Variants in FOXP2 observed in about 807,000 individuals in gnomAD.
The protein encoded by FOXP2 is forkhead box P2, also known as forkhead box protein P2.
In FOXP2, 12 loss-of-function variants were observed where a neutral mutation model predicts 115.8. The observed-to-expected ratio is 0.10, with a 90% CI of 0.07 to 0.17. The LOEUF is 0.17. FOXP2 is among the 10% of genes least tolerant of loss of function. The pLI, the probability that FOXP2 is intolerant of heterozygous loss-of-function variation, is 1.00. For missense variants in FOXP2, 629 were observed against 843.5 expected (o/e 0.75, Z 3.15); for synonymous variants, 328 against 297.7 (o/e 1.10, Z -1.05).
At chr7:114,345,839 T>C (rs1273325193) in intron 2 of FOXP2, among the ~76,000 whole-genome samples, 2 of 151,762 alleles carry the variant, frequency 1.3e-5, no homozygotes, top group Non-Finnish European at 3.0e-5. Flanking sequence ...TGTAGACTTA[T>C]GACAAATGTC....
intron 1 of FOXP2, among the ~76,000 whole-genome samples, chr7:114,184,532 C>T (rs1049913888): frequency 6.6e-6 from 1 of 152,078 alleles, no homozygotes; most frequent in Admixed American, 6.6e-5. Flanking sequence ...GATTGTCACT[C>T]GGAAGCTGTT....
chr7:114,446,896 A>T (rs1320171011), intron 2 of FOXP2, among the ~76,000 whole-genome samples: 1 of 151,698 alleles, frequency 6.6e-6, no homozygotes. Flanking sequence ...TTACAGGCAC[A>T]TGCCAACACA....
Position 114,361,444 on chromosome 7 carries a change from C to A in FOXP2, c.-10-65058C>A, listed in dbSNP as rs373505496. The stretch of plus-strand genomic sequence containing the variant: ...AATAGGCCAAGAAAGACAATCCTAG[C>A]TATAGTCAGAAAGAGACTATATTCT... On this transcript the variant is annotated intron_variant, in intron 2 of 17. Transcript: ENST00000634411. Among the ~76,000 whole-genome samples, 17 of 152,102 alleles carry A rather than the reference C, an allele frequency of 1.1e-4. No homozygotes were observed. The East Asian group carries it at 2.7e-3, about 24-fold the overall frequency.
chr7:114,121,456 T>C (rs1026185400), intron 1 of FOXP2, among the ~76,000 whole-genome samples: 3 of 152,172 alleles, frequency 2.0e-5, no homozygotes, highest in Admixed American at 6.6e-5. Flanking sequence ...GTTTTTTACA[T>C]TTTAAGCCTG....
At position 114,267,780 on chromosome 7, in the gene FOXP2, TA is replaced by T. The variant is rs200747738; in HGVS notation, c.-101-20235del. 4.5e-4 allele frequency among the ~76,000 whole-genome samples: 57 copies of T among 125,304 alleles called. No homozygotes were observed. The South Asian group carries it at 0.011, about 25-fold the overall frequency. The allele number at this position is 125,304 out of a possible 152,430, so 82.2% of individuals were successfully genotyped here. A position where few individuals can be genotyped will look rare whatever the true frequency, so the allele number is the denominator to read the frequency against. The stretch of plus-strand genomic sequence containing the variant: ...ATAAATAAATAAATAAATAAATAAA[TA>T]AAATAAATATATATGTATATATAAA... On this transcript the variant is annotated intron_variant, in intron 1 of 17. Coordinates refer to the FOXP2 transcript ENST00000634411.
At chr7:114,092,027 T>A (rs901248206) in intron 1 of FOXP2, among the ~76,000 whole-genome samples, 1 of 151,760 alleles carries the variant, frequency 6.6e-6, no homozygotes, top group Non-Finnish European at 1.5e-5. Context: ...TGATTCTTCA[T>A]TTTTTTTCTG....
intron 2 of FOXP2, among the ~76,000 whole-genome samples, chr7:114,463,759 T>C (rs1022753360): frequency 5.9e-5 from 9 of 152,168 alleles, no homozygotes; most frequent in Non-Finnish European, 1.3e-4. Context: ...CTGTTATGGC[T>C]CTCCCACTAG....
At chr7:114,412,489 G>T (rs1793188402), upstream of FOXP2, among the ~76,000 whole-genome samples, 1 of 152,160 alleles carries the variant, frequency 6.6e-6, no homozygotes. Flanking sequence ...ATACATTTGT[G>T]TGTGTGTGAG....
At chr7:114,385,214 A>G (rs532348156) in intron 2 of FOXP2, among the ~76,000 whole-genome samples, 1 of 152,184 alleles carries the variant, frequency 6.6e-6, no homozygotes, top group Non-Finnish European at 1.5e-5. Flanking sequence ...TAGGTGCCTA[A>G]GGACATAGCA....
chr7:114,642,779 A>ATAATATATATATATAT (rs1491273950), intron 7 of FOXP2, among the ~76,000 whole-genome samples, 156 bp downstream of exon 7: 3 of 91,176 alleles, frequency 3.3e-5, no homozygotes, highest in African/African-American at 9.7e-5. Flanking sequence ...TTTTATATAT[A>ATAATATATATATATAT]ATATATATAT....
At position 114,692,170 on chromosome 7, in the gene FOXP2, T is replaced by G. The variant is rs1028188276; in HGVS notation, c.*2244T>G. ...TGAAAGGAAAAATGGGTCTTTCAGG[T>G]GCATGTTCAAAAGGCTTTGAGGGAC... is the stretch of plus-strand genomic sequence containing the variant. On this transcript the variant is annotated 3_prime_UTR_variant, in exon 17 of 17. Coordinates refer to ENST00000350908, the MANE Select transcript of FOXP2 (RefSeq NM_014491.4). The G allele has an allele frequency of 2.2e-6, 1 of 453,830 alleles. No individual in the cohort carries two copies. The allele number at this position is 453,830 out of a possible 1,614,324, so 28.1% of individuals were successfully genotyped here. A position where few individuals can be genotyped will look rare whatever the true frequency, so the allele number is the denominator to read the frequency against.
intron 2 of FOXP2, among the ~76,000 whole-genome samples, chr7:114,373,401 C>G (rs1236112273): frequency 6.6e-6 from 1 of 152,000 alleles, no homozygotes; most frequent in Non-Finnish European, 1.5e-5. Flanking sequence ...ATTACCAGTA[C>G]GTAATCCAAC....
chr7:114,492,045 C>CA (rs1426712713), intron 2 of FOXP2, among the ~76,000 whole-genome samples: 2 of 152,018 alleles, frequency 1.3e-5, no homozygotes, highest in African/African-American at 4.8e-5. Context: ...TGGTCCTGGA[C>CA]TTTTTTTGGT....
At chr7:114,430,377 G>A (rs545132605) in intron 2 of FOXP2, among the ~76,000 whole-genome samples, 2 of 151,660 alleles carry the variant, frequency 1.3e-5, no homozygotes, top group South Asian at 2.1e-4. Context: ...CTTACCAAGT[G>A]CACCAAAAAG....
chr7:114,346,735 C>A (rs1362998100), intron 2 of FOXP2, among the ~76,000 whole-genome samples: 1 of 151,492 alleles, frequency 6.6e-6, no homozygotes, highest in Non-Finnish European at 1.5e-5. Context: ...AGAAAAAAAA[C>A]CTGGTATCAT....
At chr7:114,271,711 A>G (rs1301082337) in intron 1 of FOXP2, among the ~76,000 whole-genome samples, 1 of 117,588 alleles carries the variant, frequency 8.5e-6, no homozygotes, top group South Asian at 2.3e-4. Context: ...TATATTATTT[A>G]ATACATATGT....
chr7:114,580,802 T>A (rs1801814124), intron 3 of FOXP2, among the ~76,000 whole-genome samples: 1 of 152,028 alleles, frequency 6.6e-6, no homozygotes, highest in Non-Finnish European at 1.5e-5. Flanking sequence ...AAAGTGACAA[T>A]CGGTTTTGTT....
chr7:114,134,173 T>C (rs982931676), intron 1 of FOXP2, among the ~76,000 whole-genome samples: 18 of 152,300 alleles, frequency 1.2e-4, no homozygotes, highest in African/African-American at 4.3e-4. Flanking sequence ...CTTTTAAATT[T>C]AGTAACATTA....
chr7:114,479,540 G>GGAA (rs1309886540), intron 2 of FOXP2, among the ~76,000 whole-genome samples: 1 of 143,436 alleles, frequency 7.0e-6, no homozygotes, highest in Admixed American at 6.8e-5. Context: ...AGATATTTGA[G>GGAA]GAAAAAAAAA....
Sources: gnomAD v4.1 joint callset for allele counts (sites outside exome capture counted in the v4.1 genomes callset) on GRCh38, gnomAD v4.1.1 for gene constraint, MANE v1.5 for transcripts, NCBI Gene and HGNC (gene_info 2026-07-23, HGNC 2026-07-21) for gene names.